The following DLGAP2 variants were observed in gnomAD, a reference collection of about 807,000 sequenced individuals.
DLGAP2 encodes disks large-associated protein 2.
In DLGAP2, 26 loss-of-function variants were observed where a neutral mutation model predicts 100.3. The ratio of observed to expected loss-of-function variants is 0.26; its 90% CI spans 0.19 to 0.36. DLGAP2 has a LOEUF of 0.36. Among genes scored for constraint, DLGAP2 ranks in the 10% least tolerant of loss-of-function variants. The pLI is 1.00. For missense variants in DLGAP2, 1,858 were observed against 1,453.2 expected (o/e 1.28, Z -4.53); for synonymous variants, 886 against 630.1 (o/e 1.41, Z -6.08).
intron 3 of DLGAP2, among the ~76,000 whole-genome samples, chr8:1,342,339 C>T (rs566515617): frequency 6.6e-6 from 1 of 152,308 alleles, no homozygotes; most frequent in East Asian, 1.9e-4. Context: ...TAGTGCATTG[C>T]TGGGTCCCAC....
chr8:1,240,697 T>C (rs1391092978), intron 2 of DLGAP2, among the ~76,000 whole-genome samples: 1 of 150,918 alleles, frequency 6.6e-6, no homozygotes, highest in Non-Finnish European at 1.5e-5. Flanking sequence ...TGTCTGGTTC[T>C]CTCACATGGT....
At chr8:1,092,797 G>A (rs1024722162) in intron 2 of DLGAP2, among the ~76,000 whole-genome samples, 2 of 152,192 alleles carry the variant, frequency 1.3e-5, no homozygotes, top group Non-Finnish European at 2.9e-5. Flanking sequence ...CCCTCCCATG[G>A]AGGGCAGAAT....
At chr8:1,379,183 C>T (rs1029792621) in intron 3 of DLGAP2, among the ~76,000 whole-genome samples, 4 of 152,280 alleles carry the variant, frequency 2.6e-5, no homozygotes, top group African/African-American at 7.2e-5. Context: ...CTCACGGGGC[C>T]ACCCGCTGCC....
chr8:1,316,137 G>C (rs1800740872), intron 3 of DLGAP2, among the ~76,000 whole-genome samples: 1 of 126,338 alleles, frequency 7.9e-6, no homozygotes, highest in African/African-American at 2.9e-5. Flanking sequence ...GCGTGTGCGA[G>C]TGCAGCGTCT....
At chr8:959,158 T>C (rs996487614) in intron 2 of DLGAP2, among the ~76,000 whole-genome samples, 11 of 152,180 alleles carry the variant, frequency 7.2e-5, no homozygotes, top group African/African-American at 2.7e-4. Flanking sequence ...GATAAAAATA[T>C]ATTTCCTAAT....
At chr8:1,425,681 G>A (rs947953589) in intron 3 of DLGAP2, among the ~76,000 whole-genome samples, 5 of 152,220 alleles carry the variant, frequency 3.3e-5, no homozygotes, top group African/African-American at 1.2e-4. Context: ...CTGATGGCAA[G>A]ATGAGGCTCC....
At chr8:1,600,539 T>C (rs1403218264) in intron 6 of DLGAP2, among the ~76,000 whole-genome samples, 1 of 152,198 alleles carries the variant, frequency 6.6e-6, no homozygotes, top group African/African-American at 2.4e-5. Flanking sequence ...CTTTTCACAT[T>C]GTCCCATATT....
At chr8:870,511 C>T (rs923080349) in intron 1 of DLGAP2, among the ~76,000 whole-genome samples, 1 of 152,140 alleles carries the variant, frequency 6.6e-6, no homozygotes, top group African/African-American at 2.4e-5. Flanking sequence ...ACCCCTTTGC[C>T]GTCTGTCTCC....
intron 1 of DLGAP2, among the ~76,000 whole-genome samples, chr8:825,583 C>G (rs780789497): frequency 6.6e-6 from 1 of 152,192 alleles, no homozygotes; most frequent in Non-Finnish European, 1.5e-5. Context: ...CCTCTCATTC[C>G]AGATGTTGCT....
At chr8:1,236,300 G>C (rs1323413643) in intron 2 of DLGAP2, among the ~76,000 whole-genome samples, 1 of 50,168 alleles carries the variant, frequency 2.0e-5, no homozygotes, top group African/African-American at 9.1e-5. Context: ...GCCGTGTCTA[G>C]TTCTCTCACA....
chr8:791,331 G>T (rs1822021132), intron 1 of DLGAP2, among the ~76,000 whole-genome samples: 2 of 152,194 alleles, frequency 1.3e-5, no homozygotes, highest in Admixed American at 1.3e-4. Context: ...AGCCCAGGCT[G>T]TTCCGGGTTC....
At chr8:1,485,793 G>A (rs1799221191) in intron 3 of DLGAP2, among the ~76,000 whole-genome samples, 1 of 152,220 alleles carries the variant, frequency 6.6e-6, no homozygotes, top group Non-Finnish European at 1.5e-5. Flanking sequence ...GGGAGGCTGA[G>A]GCAGATGGAT....
intron 8 of DLGAP2, among the ~76,000 whole-genome samples, chr8:1,636,179 A>G (rs943542766): frequency 6.6e-6 from 1 of 152,118 alleles, no homozygotes; most frequent in East Asian, 1.9e-4. Flanking sequence ...TATGCATCTC[A>G]CCCGATTTTT....
chr8:1,325,663 T>C (rs1452851296), intron 3 of DLGAP2, among the ~76,000 whole-genome samples: 1 of 152,198 alleles, frequency 6.6e-6, no homozygotes, highest in Non-Finnish European at 1.5e-5. Context: ...CCAGCAGTGA[T>C]TGGCGGGGTT....
At chr8:980,303 T>A (rs1247125923) in intron 2 of DLGAP2, among the ~76,000 whole-genome samples, 1 of 152,202 alleles carries the variant, frequency 6.6e-6, no homozygotes, top group Non-Finnish European at 1.5e-5. Context: ...ATCCTACATT[T>A]TGGTTAATGA....
At chr8:1,277,987 A>C (rs1799738587) in intron 3 of DLGAP2, among the ~76,000 whole-genome samples, 1 of 152,204 alleles carries the variant, frequency 6.6e-6, no homozygotes, top group East Asian at 1.9e-4. Context: ...CTCATCAAAC[A>C]TCTTAAAAAA....
chr8:1,245,894 G>A (rs1171853245), intron 2 of DLGAP2, among the ~76,000 whole-genome samples: 1 of 152,192 alleles, frequency 6.6e-6, no homozygotes, highest in African/African-American at 2.4e-5. Context: ...ACGAAGGGTG[G>A]GTGGTCCCAG....
intron 2 of DLGAP2, among the ~76,000 whole-genome samples, chr8:1,007,012 C>T (rs563677564): frequency 5.3e-5 from 8 of 151,800 alleles, no homozygotes; most frequent in African/African-American, 1.2e-4. Context: ...TCAGGGACAC[C>T]GTGTGTCTGA....
At chr8:838,002 C>G (rs749791645) in intron 1 of DLGAP2, among the ~76,000 whole-genome samples, 1 of 151,034 alleles carries the variant, frequency 6.6e-6, no homozygotes, top group East Asian at 2.0e-4. Context: ...GCTGGGGTTA[C>G]AGGCGTGAGC....
Sources: allele counts gnomAD v4.1 joint callset (sites outside exome capture counted in the v4.1 genomes callset), GRCh38; gene constraint gnomAD v4.1.1; transcripts MANE v1.5; gene names NCBI Gene and HGNC (gene_info 2026-07-23, HGNC 2026-07-21).